The following CFAP221 variants were observed in gnomAD, a reference collection of about 807,000 sequenced individuals.
CFAP221 encodes cilia and flagella associated protein 221.
CFAP221 carries 97 observed loss-of-function variants against 113.1 expected under a neutral mutation model. That is an observed-to-expected ratio of 0.86 (90% CI 0.73 to 1.02). The LOEUF is 1.02. Ranked by LOEUF, CFAP221 falls within the 50% of genes least tolerant of loss-of-function variation. The probability of loss-of-function intolerance (pLI) is 0.00; values close to 1 mark genes in which losing one functional copy is unlikely to be tolerated. For missense variants in CFAP221, 1,025 were observed against 1,013.4 expected (o/e 1.01, Z -0.16); for synonymous variants, 331 against 354.4 (o/e 0.93, Z 0.74).
chr2:119,559,660 T>C, intron 3 of CFAP221, 29 bp from the exon 4 acceptor site: 1 of 1,473,000 alleles, frequency 6.8e-7, no homozygotes, highest in Non-Finnish European at 9.2e-7. Context: ...GCCGTGTATT[T>C]CCTCTAAATA....
chr2:119,615,477 A>G, intron 13 of CFAP221, 134 bp from the exon 14 acceptor site: 1 of 683,812 alleles, frequency 1.5e-6, no homozygotes, highest in Non-Finnish European at 2.4e-6. Context: ...TGCTTAATAA[A>G]TAAATGCTCA....
At chr2:119,658,534 T>C (rs1688523384), downstream of CFAP221, among the ~76,000 whole-genome samples, 1 of 152,028 alleles carries the variant, frequency 6.6e-6, no homozygotes, top group Non-Finnish European at 1.5e-5. Flanking sequence ...TGGTACTTGT[T>C]GCTACTGTGG....
intron 6 of CFAP221, among the ~76,000 whole-genome samples, chr2:119,586,275 A>G (rs980305579): frequency 7.9e-5 from 12 of 152,124 alleles, no homozygotes; most frequent in Non-Finnish European, 4.4e-5. Context: ...AGGGGACCCA[A>G]TAACCTGCCC....
At chr2:119,593,847 A>C (rs1683764498) in intron 7 of CFAP221, among the ~76,000 whole-genome samples, 3 of 151,896 alleles carry the variant, frequency 2.0e-5, no homozygotes, top group Admixed American at 6.6e-5. Flanking sequence ...CAAAAAAAAA[A>C]CAAAACGAAA....
chr2:119,609,333 T>G (rs1184293057), intron 12 of CFAP221, among the ~76,000 whole-genome samples: 1 of 152,218 alleles, frequency 6.6e-6, no homozygotes, highest in Admixed American at 6.5e-5. Context: ...TTATATTAAT[T>G]GGCTCAGACT....
rs1191418386 is a variant in CFAP221, at chr2:119,560,013, G to T, written c.413G>T (p.Arg138Leu). The part of the protein sequence containing the change: ...DEWRYYYDCI[R>L]VHCKGDDTLL... ...TGGCGATACTATTATGACTGCATCCGTGTTCACTGTAAGGTAGGTCTCTTA... is the reference window on the plus strand; with the variant it reads ...TGGCGATACTATTATGACTGCATCCTTGTTCACTGTAAGGTAGGTCTCTTA... The change falls in exon 5 of 24, where the codon CGT becomes CTT. Residue 138 changes from arginine (R) to leucine (L), a missense_variant. Physicochemically the swap from Arg to Leu is moderately radical, Grantham distance 102. Transcript: ENST00000413369. 3.3e-6 allele frequency: 5 copies of T among 1,516,748 alleles called. No homozygotes were observed. The highest frequency in any genetic ancestry group is 4.4e-6 in the Non-Finnish European group (5 of 1,132,436). 94.0% of individuals were successfully genotyped at this position (1,516,748 alleles called of 1,614,324 possible). A position where few individuals can be genotyped will look rare whatever the true frequency, so the allele number is the denominator to read the frequency against.
intron 12 of CFAP221, among the ~76,000 whole-genome samples, chr2:119,610,161 C>G (rs574807581): frequency 6.6e-6 from 1 of 152,142 alleles, no homozygotes; most frequent in Non-Finnish European, 1.5e-5. Flanking sequence ...GCTGTGGCTG[C>G]GGGCAGTGAC....
At chr2:119,560,388 C>A (rs374836768) in intron 5 of CFAP221, among the ~76,000 whole-genome samples, 30 of 152,310 alleles carry the variant, frequency 2.0e-4, no homozygotes, top group African/African-American at 5.1e-4. Flanking sequence ...AAATTTACAA[C>A]CATCCAAGTT....
rs748096883 is a variant in CFAP221, at chr2:119,656,386, A to G, written c.2439A>G (p.Pro813=). 6 of 1,613,950 alleles carry G rather than the reference A, an allele frequency of 3.7e-6. No individual in the cohort carries two copies. In the Admixed American group the frequency reaches 6.7e-5, roughly 18 times the overall value. The change falls in exon 24 of 24, where the codon CCA becomes CCG. Residue 813 remains proline (P), a synonymous_variant. Coordinates refer to ENST00000413369, the MANE Select transcript of CFAP221 (RefSeq NM_001271049.2). ...KEKEVKDQAQ[P]AEKAGEKLLE... is the part of the protein sequence containing the mutation. ...GAGAAGTGAAAGATCAAGCACAACC[A>G]GCAGAGAAGGCCGGAGAGAAGCTGC...
chr2:119,553,634 A>G (rs1036686228), intron 3 of CFAP221, among the ~76,000 whole-genome samples: 3 of 152,168 alleles, frequency 2.0e-5, no homozygotes, highest in African/African-American at 7.2e-5. Flanking sequence ...AGCCATCACA[A>G]TGTCTAAGAT....
In CFAP221 at chr2:119,627,787, G is replaced by A. The variant is rs867206048; in HGVS notation, c.1650+1G>A. ...CCCACCCCAGGACTCCAACGAGTTG[G>A]TAGGTGCCGTCAGGCTTGGGGGCGG... On this transcript the variant is annotated splice_donor_variant, in intron 16 of 23. Coordinates refer to ENST00000413369, the MANE Select transcript of CFAP221 (RefSeq NM_001271049.2). LOFTEE classifies it high-confidence loss of function. The A allele has an allele frequency of 1.2e-6, 2 of 1,613,480 alleles. No individual in the cohort carries two copies. The highest frequency in any genetic ancestry group is 1.7e-6 in the Non-Finnish European group (2 of 1,179,738).
In CFAP221 at chr2:119,630,660, C is replaced by T. The variant is rs746279196; in HGVS notation, c.1822C>T (p.Leu608=). The change falls in exon 18 of 24, where the codon CTA becomes TTA. Residue 608 remains leucine (L), a synonymous_variant. Transcript: ENST00000413369. ...CAGACCTCAAAAGCTTGCCCGAGCCCTAAAGCAAGGAGCTGAGGTAACACA... is the reference window on the plus strand; with the variant it reads ...CAGACCTCAAAAGCTTGCCCGAGCCTTAAAGCAAGGAGCTGAGGTAACACA... The part of the protein sequence containing the change: ...SYRPQKLARA[L]KQGAEDEVTT... 1.7e-5 allele frequency: 28 copies of T among 1,613,262 alleles called. No homozygotes were observed. The Admixed American group carries it at 4.7e-4, about 27-fold the overall frequency.
intron 3 of CFAP221, among the ~76,000 whole-genome samples, chr2:119,551,086 T>G (rs1680385781): frequency 6.6e-6 from 1 of 152,268 alleles, no homozygotes; most frequent in Admixed American, 6.5e-5. Flanking sequence ...AGCAGTACTT[T>G]ATCCCCTTTT....
chr2:119,638,470 G>T, intron 20 of CFAP221, 53 bp downstream of exon 20: 1 of 1,601,674 alleles, frequency 6.2e-7, no homozygotes, highest in Middle Eastern at 1.7e-4. Context: ...GCAGGGAGGG[G>T]CAGGGGACAA....
chr2:119,659,009 GA>G (rs70949304), downstream of CFAP221, among the ~76,000 whole-genome samples: 112,584 of 143,720 alleles, frequency 0.78, 44,467 homozygotes, highest in South Asian at 0.85. Flanking sequence ...AAAAGAAAAA[GA>G]AAAAAAAAAA....
intron 6 of CFAP221, among the ~76,000 whole-genome samples, chr2:119,566,103 G>A (rs903679268): frequency 1.3e-4 from 20 of 152,112 alleles, no homozygotes; most frequent in African/African-American, 4.8e-4. Flanking sequence ...AGGTCAGTTG[G>A]GGGCAGGTAG....
intron 17 of CFAP221, among the ~76,000 whole-genome samples, chr2:119,630,242 A>G (rs750559609): frequency 1.3e-5 from 2 of 152,220 alleles, no homozygotes; most frequent in Non-Finnish European, 2.9e-5. Flanking sequence ...AGATAAAGTG[A>G]GCAAAAATTA....
chr2:119,616,876 G>A (rs970592738), intron 14 of CFAP221, among the ~76,000 whole-genome samples: 1 of 152,218 alleles, frequency 6.6e-6, no homozygotes, highest in South Asian at 2.1e-4. Flanking sequence ...TGTGCTGCCT[G>A]TAAATCTCTC....
At chr2:119,567,357 T>C (rs926996973) in intron 6 of CFAP221, among the ~76,000 whole-genome samples, 7 of 152,252 alleles carry the variant, frequency 4.6e-5, no homozygotes, top group Admixed American at 2.0e-4. Context: ...GTCATATAGT[T>C]GGAATCATAT....
Sources: allele counts gnomAD v4.1 joint callset (sites outside exome capture counted in the v4.1 genomes callset), GRCh38; gene constraint gnomAD v4.1.1; transcripts MANE v1.5; gene names NCBI Gene and HGNC (gene_info 2026-07-23, HGNC 2026-07-21).